MID2: variants seen among roughly 807,000 people sequenced by gnomAD.
The protein encoded by MID2 is midline 2.
MID2 carries 13 observed loss-of-function variants against 46.1 expected under a neutral mutation model. The ratio of observed to expected loss-of-function variants is 0.28; its 90% CI spans 0.18 to 0.45. The LOEUF is 0.45. Among genes scored for constraint, MID2 ranks in the 20% least tolerant of loss-of-function variants. MID2 has a pLI of 1.00. For synonymous variants in MID2, 199 were observed against 212.3 expected, an observed-to-expected ratio of 0.94 and a Z score of 0.55; for missense variants, 431 against 575.4, an observed-to-expected ratio of 0.75 and a Z score of 2.57.
chrX:107,840,064 A>G (rs1931302833), intron 1 of MID2, among the ~76,000 whole-genome samples: 1 of 112,523 alleles, frequency 8.9e-6, no homozygotes, highest in African/African-American at 3.2e-5. Context: ...GGAAATTTCC[A>G]TGTGTGATAA....
chrX:107,885,002 C>T (rs1174987758), intron 3 of MID2, among the ~76,000 whole-genome samples: 1 of 112,067 alleles, frequency 8.9e-6, no homozygotes, highest in Non-Finnish European at 1.9e-5. Flanking sequence ...ATTTCTTTTA[C>T]TAGCAGTAAC....
At chrX:107,884,104 C>T (rs1381071973) in intron 3 of MID2, among the ~76,000 whole-genome samples, 1 of 112,090 alleles carries the variant, frequency 8.9e-6, no homozygotes, top group Non-Finnish European at 1.9e-5. Flanking sequence ...TACATATACA[C>T]AAGTTATAAG....
chrX:107,829,238 G>A lies in MID2; in HGVS notation c.4+2808G>A, dbSNP rs182254893. On this transcript the variant is annotated intron_variant, in intron 1 of 9. Coordinates refer to ENST00000262843, the MANE Select transcript of MID2 (RefSeq NM_012216.4). ...TACTGAGTTAGTGGATTGACTGGGT[G>A]TAAGCAGGAATCTTAGCTTACTGAA... 2.7e-5 allele frequency among the ~76,000 whole-genome samples: 3 copies of A among 112,048 alleles called. No homozygotes were observed. In the East Asian group the frequency reaches 8.4e-4, roughly 31 times the overall value.
At chrX:107,913,435 T>C (rs1982209558) in intron 5 of MID2, among the ~76,000 whole-genome samples, 1 of 112,007 alleles carries the variant, frequency 8.9e-6, no homozygotes, top group African/African-American at 3.2e-5. Flanking sequence ...AATAGAACTG[T>C]GGTGTCAAAG....
intron 3 of MID2, chrX:107,896,253 G>A (rs1170378495): frequency 1.8e-5 from 2 of 111,516 alleles, no homozygotes; most frequent in African/African-American, 3.3e-5. Context: ...GGGTTGGGGG[G>A]GTTTGGGGGC....
chrX:107,879,600 T>TG (rs754084314), intron 3 of MID2, among the ~76,000 whole-genome samples: 25 of 111,665 alleles, frequency 2.2e-4, no homozygotes, highest in Non-Finnish European at 4.1e-4. Flanking sequence ...AAAGGCAGCA[T>TG]TCAAGAGGGA....
intron 3 of MID2, among the ~76,000 whole-genome samples, chrX:107,903,461 A>C (rs969082082): frequency 4.5e-5 from 5 of 112,024 alleles, no homozygotes; most frequent in Non-Finnish European, 7.5e-5. Flanking sequence ...CTATCTGAAA[A>C]ATATATACAC....
chrX:107,910,057 T>C (rs1932871896), intron 5 of MID2, among the ~76,000 whole-genome samples: 1 of 111,989 alleles, frequency 8.9e-6, no homozygotes, highest in African/African-American at 3.2e-5. Flanking sequence ...TACAATATGT[T>C]ATTATTGATT....
At chrX:107,923,468 TCCCTTTCC>T (rs1933110907) in intron 7 of MID2, among the ~76,000 whole-genome samples, 1 of 112,031 alleles carries the variant, frequency 8.9e-6, no homozygotes, top group Non-Finnish European at 1.9e-5. Flanking sequence ...AGTTCTCTGA[TCCCTTTCC>T]CTACTTGGAA....
At chrX:107,828,310 CTTTTTTT>C (rs766362742) in intron 1 of MID2, among the ~76,000 whole-genome samples, 2 of 83,023 alleles carry the variant, frequency 2.4e-5, no homozygotes, top group African/African-American at 1.1e-4. Context: ...TCTTTCTTTT[CTTTTTTT>C]TTTTTTTTTT....
intron 1 of MID2, among the ~76,000 whole-genome samples, chrX:107,828,521 AG>A (rs1407769136): frequency 9.0e-6 from 1 of 110,917 alleles, no homozygotes; most frequent in Non-Finnish European, 1.9e-5. Context: ...CATGTTGCCC[AG>A]GTTGGTCTGG....
chrX:107,883,963 A>G (rs1932386460), intron 3 of MID2, among the ~76,000 whole-genome samples: 1 of 112,789 alleles, frequency 8.9e-6, no homozygotes, highest in Admixed American at 9.4e-5. Flanking sequence ...CACTATCCAA[A>G]TAAGGACGAC....
intron 3 of MID2, among the ~76,000 whole-genome samples, chrX:107,886,251 T>C (rs1932449512): frequency 8.9e-6 from 1 of 112,412 alleles, no homozygotes; most frequent in Non-Finnish European, 1.9e-5. Flanking sequence ...GTTTTATGCT[T>C]TTAGGTCTAA....
At chrX:107,875,169 T>A (rs941292956) in intron 3 of MID2, among the ~76,000 whole-genome samples, 1 of 111,575 alleles carries the variant, frequency 9.0e-6, no homozygotes, top group African/African-American at 3.3e-5. Context: ...AAACAAATAC[T>A]GGGAGTCAGA....
At chrX:107,861,995 CACAT>C (rs1262145115) in intron 3 of MID2, among the ~76,000 whole-genome samples, 38 of 112,178 alleles carry the variant, frequency 3.4e-4, no homozygotes, top group Admixed American at 2.8e-4. Flanking sequence ...CAACCTTGAA[CACAT>C]ACTTTTTCTG....
At chrX:107,885,367 C>A (rs1329905783) in intron 3 of MID2, among the ~76,000 whole-genome samples, 1 of 104,554 alleles carries the variant, frequency 9.6e-6, no homozygotes, top group Non-Finnish European at 1.9e-5. Context: ...TGAGAACATG[C>A]GGTGTTTGGT....
intron 3 of MID2, among the ~76,000 whole-genome samples, chrX:107,890,859 A>T (rs949676710): frequency 3.6e-5 from 4 of 109,638 alleles, no homozygotes; most frequent in African/African-American, 1.3e-4. Context: ...TTGCAGTTTG[A>T]TCTCAGAGTG....
intron 6 of MID2, among the ~76,000 whole-genome samples, 159 bp from the exon 7 acceptor site, chrX:107,917,347 C>T (rs957693042): frequency 9.0e-6 from 1 of 111,488 alleles, no homozygotes; most frequent in African/African-American, 3.3e-5. Context: ...CTTGAGATCC[C>T]AGCATTTTGC....
intron 3 of MID2, among the ~76,000 whole-genome samples, chrX:107,873,977 A>G: frequency 8.9e-6 from 1 of 112,315 alleles, no homozygotes; most frequent in Non-Finnish European, 1.9e-5. Context: ...TGTGAGGGCA[A>G]TTAGTTTGGC....
Sources: allele counts gnomAD v4.1 joint callset (sites outside exome capture counted in the v4.1 genomes callset), GRCh38; gene constraint gnomAD v4.1.1; transcripts MANE v1.5; gene names NCBI Gene and HGNC (gene_info 2026-07-23, HGNC 2026-07-21).